GPR107: variants seen among roughly 807,000 people sequenced by gnomAD.
GPR107 encodes the protein G protein-coupled receptor 107, also known as protein GPR107.
GPR107 carries 31 observed loss-of-function variants against 75.5 expected under a neutral mutation model. The observed-to-expected ratio is 0.41, with a 90% CI of 0.31 to 0.55. GPR107 has a LOEUF of 0.55. GPR107 is among the 20% of genes least tolerant of loss of function. The pLI, the probability that GPR107 is intolerant of heterozygous loss-of-function variation, is 0.26. For synonymous variants in GPR107, 267 were observed against 251.3 expected (o/e 1.06, Z -0.59); for missense variants, 572 against 665.7 (o/e 0.86, Z 1.55).
At chr9:130,107,925 T>C (rs1831199101) in intron 14 of GPR107, among the ~76,000 whole-genome samples, 1 of 152,218 alleles carries the variant, frequency 6.6e-6, no homozygotes, top group Admixed American at 6.5e-5. Flanking sequence ...CAGCCCTGCC[T>C]GCTGATTTAA....
intron 17 of GPR107, among the ~76,000 whole-genome samples, chr9:130,134,077 A>G (rs1242529548): frequency 2.0e-5 from 3 of 152,078 alleles, no homozygotes; most frequent in Non-Finnish European, 2.9e-5. Flanking sequence ...TATTTTACTG[A>G]TGAGGAAATT....
intron 14 of GPR107, among the ~76,000 whole-genome samples, chr9:130,108,249 G>A (rs890108919): frequency 6.6e-6 from 1 of 152,168 alleles, no homozygotes; most frequent in African/African-American, 2.4e-5. Flanking sequence ...CCATGGTATC[G>A]TACACCCAGT....
intron 9 of GPR107, among the ~76,000 whole-genome samples, chr9:130,094,002 A>T (rs761267631): frequency 3.3e-5 from 5 of 152,052 alleles, no homozygotes; most frequent in Non-Finnish European, 7.4e-5. Context: ...TTTAGTAGAG[A>T]CGGGCTTTCA....
At chr9:130,059,807 C>T (rs557032742) in intron 1 of GPR107, among the ~76,000 whole-genome samples, 38 of 150,250 alleles carry the variant, frequency 2.5e-4, no homozygotes, top group African/African-American at 6.9e-4. Context: ...GGTATAATCT[C>T]GGCTCACTGC....
At chr9:130,074,421 G>T (rs1830290992) in intron 1 of GPR107, among the ~76,000 whole-genome samples, 2 of 152,128 alleles carry the variant, frequency 1.3e-5, no homozygotes, top group Admixed American at 1.3e-4. Context: ...CTTACGGAAG[G>T]TGTTGCAATT....
intron 14 of GPR107, chr9:130,108,758 T>TC (rs983874764): frequency 1.8e-5 from 8 of 455,828 alleles, no homozygotes; most frequent in Admixed American, 7.1e-5. Flanking sequence ...CTCATTTTTT[T>TC]CCCCTCAAAG....
chr9:130,089,399 T>G (rs7030232), intron 7 of GPR107, among the ~76,000 whole-genome samples: 47,931 of 151,894 alleles, frequency 0.32, 7,740 homozygotes, highest in Non-Finnish European at 0.38. Context: ...TCCCCCACCT[T>G]GGAAAGAAGT....
At chr9:130,128,374 T>C (rs757516031) in intron 16 of GPR107, among the ~76,000 whole-genome samples, 64 of 152,192 alleles carry the variant, frequency 4.2e-4, no homozygotes, top group Non-Finnish European at 8.1e-4. Context: ...AGGAAGTGGG[T>C]ATGTGGTGAG....
At chr9:130,108,200 A>G (rs1367607223) in intron 14 of GPR107, among the ~76,000 whole-genome samples, 1 of 152,256 alleles carries the variant, frequency 6.6e-6, no homozygotes, top group African/African-American at 2.4e-5. Flanking sequence ...TTTAAGGAGC[A>G]GTGCTCTCTT....
chr9:130,118,203 G>C (rs1831471308), intron 14 of GPR107, among the ~76,000 whole-genome samples: 1 of 152,188 alleles, frequency 6.6e-6, no homozygotes, highest in Admixed American at 6.5e-5. Flanking sequence ...GATGAAGCAT[G>C]AGAGGTGCCC....
chr9:130,061,053 C>T (rs1003327876), intron 1 of GPR107, among the ~76,000 whole-genome samples: 2 of 152,188 alleles, frequency 1.3e-5, no homozygotes, highest in South Asian at 4.1e-4. Flanking sequence ...AAATGAGTGA[C>T]ATTAAGCTTA....
chr9:130,125,348 C>T (rs1409833388), intron 15 of GPR107, among the ~76,000 whole-genome samples: 2 of 148,950 alleles, frequency 1.3e-5, no homozygotes, highest in East Asian at 2.0e-4. Flanking sequence ...TCCCAGAGTG[C>T]GGGGATTACA....
chr9:130,092,207 A>G, intron 8 of GPR107, 41 bp from the exon 9 acceptor site: 1 of 1,565,680 alleles, frequency 6.4e-7, no homozygotes, highest in Non-Finnish European at 8.8e-7. Context: ...AAGGGATGAT[A>G]TGTTTCTGAA....
chr9:130,123,530 CTTTTTTTTTTTT>C, intron 14 of GPR107, among the ~76,000 whole-genome samples: 1 of 127,148 alleles, frequency 7.9e-6, no homozygotes, highest in Non-Finnish European at 1.7e-5. Context: ...CTTTTCTTTT[CTTTTTTTTTTTT>C]TTTTTTTGTA....
At chr9:130,105,870 G>A (rs997601744) in intron 13 of GPR107, among the ~76,000 whole-genome samples, 1 of 151,570 alleles carries the variant, frequency 6.6e-6, no homozygotes, top group Non-Finnish European at 1.5e-5. Context: ...ATGTTGCCCA[G>A]GCTGGTCTCA....
At position 130,137,801 on chromosome 9, in the gene GPR107, G is replaced by T. The variant is rs950635124; in HGVS notation, c.*2680G>T. On this transcript the variant is annotated 3_prime_UTR_variant, in exon 18 of 18. Transcript: ENST00000347136. ...AGTCCACTGGGTTCGTTGTCATGCGGTGTTTGAATGGTTAAGCCCTTGCAG... is the reference window on the plus strand; with the variant it reads ...AGTCCACTGGGTTCGTTGTCATGCGTTGTTTGAATGGTTAAGCCCTTGCAG... 6.6e-6 allele frequency: 1 copy of T among 152,242 alleles called. No individual in the cohort carries two copies. 9.4% of individuals were successfully genotyped at this position (152,242 alleles called of 1,614,324 possible). A position where few individuals can be genotyped will look rare whatever the true frequency, so the allele number is the denominator to read the frequency against.
chr9:130,072,707 G>A (rs1830240311), intron 1 of GPR107, among the ~76,000 whole-genome samples: 1 of 151,786 alleles, frequency 6.6e-6, no homozygotes, highest in Non-Finnish European at 1.5e-5. Flanking sequence ...AAAAAGGAAT[G>A]TACTATTTAT....
In GPR107 at chr9:130,076,460, C is replaced by G. The variant is rs756482071; in HGVS notation, c.304C>G (p.Leu102Val). The change falls in exon 3 of 18, where the codon CTG (leucine) becomes GTG (valine). Residue 102 changes from leucine to valine, a missense_variant and splice_region_variant. Coordinates refer to ENST00000347136, the MANE Select transcript of GPR107 (RefSeq NM_020960.5). The stretch of plus-strand genomic sequence containing the variant: ...AAAGAATGATGGCTTTTCTTCTTAC[C>G]TGGTGAGTATTAAATGTGTGACCTG... Reference protein sequence around the residue: ...RTKNDGFSSYLDEDVNYCILK... With the variant: ...RTKNDGFSSYVDEDVNYCILK... The G allele has an allele frequency of 3.8e-6, 6 of 1,563,786 alleles. No individual in the cohort carries two copies. The highest frequency in any genetic ancestry group is 1.7e-5 in the Admixed American group (1 of 59,924).
chr9:130,077,238 C>T (rs1830372915), intron 3 of GPR107, 61 bp from the exon 4 acceptor site: 3 of 903,014 alleles, frequency 3.3e-6, no homozygotes, highest in Non-Finnish European at 5.6e-6. Flanking sequence ...TTCCTGAAAA[C>T]TCTGTTCTTG....
Sources: gnomAD v4.1 joint callset for allele counts (sites outside exome capture counted in the v4.1 genomes callset) on GRCh38, gnomAD v4.1.1 for gene constraint, MANE v1.5 for transcripts, NCBI Gene and HGNC (gene_info 2026-07-23, HGNC 2026-07-21) for gene names.